Variants in NIM1K observed in about 807,000 individuals in gnomAD.
NIM1K encodes NIM1 serine/threonine protein kinase.
A neutral mutation model predicts 37.1 loss-of-function variants in NIM1K; 35 were observed. The ratio of observed to expected loss-of-function variants is 0.94; its 90% CI spans 0.72 to 1.25. The LOEUF (loss-of-function observed/expected upper bound fraction) is 1.25, where lower values mean the gene tolerates loss of function less well. Ranked by LOEUF, NIM1K falls within the 50% of genes most tolerant of loss-of-function variation. The probability of loss-of-function intolerance (pLI) is 0.00; values close to 1 mark genes in which losing one functional copy is unlikely to be tolerated. For synonymous variants in NIM1K, 234 were observed against 206.6 expected, an observed-to-expected ratio of 1.13 and a Z score of -1.14; for missense variants, 564 against 548.0, an observed-to-expected ratio of 1.03 and a Z score of -0.29.
intron 2 of NIM1K, among the ~76,000 whole-genome samples, chr5:43,260,382 T>C (rs1753009115): frequency 6.6e-6 from 1 of 152,178 alleles, no homozygotes; most frequent in Non-Finnish European, 1.5e-5. Flanking sequence ...ATGGCTTTTG[T>C]TATTTTGAGT....
chr5:43,261,520 G>A (rs149110964), intron 2 of NIM1K, among the ~76,000 whole-genome samples: 4,866 of 152,172 alleles, frequency 0.032, 288 homozygotes, highest in African/African-American at 0.11. Flanking sequence ...CCCTTTGTCA[G>A]GTGGGTAGAT....
chr5:43,228,786 G>A (rs959988119), intron 1 of NIM1K, among the ~76,000 whole-genome samples: 9 of 152,018 alleles, frequency 5.9e-5, no homozygotes, highest in Admixed American at 3.3e-4. Flanking sequence ...AACTGAGATC[G>A]TTCCACTGTA....
chr5:43,248,466 G>C (rs984071728), intron 2 of NIM1K, among the ~76,000 whole-genome samples: 6 of 152,186 alleles, frequency 3.9e-5, no homozygotes, highest in African/African-American at 1.2e-4. Flanking sequence ...GGAATCTATG[G>C]TGATGGTTCA....
At chr5:43,206,645 G>A in intron 1 of NIM1K, 4 of 676,080 alleles carry the variant, frequency 5.9e-6, no homozygotes, top group South Asian at 1.5e-5. Context: ...GCCTGCTGCA[G>A]CCTGACTCGG....
rs180880014 is a variant in NIM1K at position 43,223,721 on chromosome 5, C to A, written c.-694-21361C>A. On this transcript the variant is annotated intron_variant, in intron 1 of 3. Coordinates refer to ENST00000326035, the MANE Select transcript of NIM1K (RefSeq NM_153361.4). ...AGGTTACCAGAACAGAGAAGAAAAT[C>A]TGATAGGTGGGAAACCTTTGAGCCC... Among the ~76,000 whole-genome samples, 47 of 152,284 alleles carry A rather than the reference C, an allele frequency of 3.1e-4. 2 individuals are homozygous for A. Among genetic ancestry groups the A allele is most frequent in the Admixed American group, 3.1e-3 (47 of 15,288 alleles).
At chr5:43,263,616 C>T (rs908944413) in intron 2 of NIM1K, among the ~76,000 whole-genome samples, 2 of 150,850 alleles carry the variant, frequency 1.3e-5, no homozygotes, top group Non-Finnish European at 3.0e-5. Flanking sequence ...GTGTCTCCAT[C>T]TCCTTCAGTT....
At position 43,280,750 on chromosome 5, in the gene NIM1K, A is replaced by C. The variant is rs1314630287; in HGVS notation, c.*21A>C. On this transcript the variant is annotated 3_prime_UTR_variant, in exon 4 of 4. Transcript: ENST00000326035. ...TATAAATTGCACTAGACTGCTTGTAACTAACCAAGATGATTGTTGCTGCTT... is the reference window on the plus strand; with the variant it reads ...TATAAATTGCACTAGACTGCTTGTACCTAACCAAGATGATTGTTGCTGCTT... 4 of 1,542,108 alleles carry C rather than the reference A, an allele frequency of 2.6e-6. No homozygotes were observed. Among genetic ancestry groups the C allele is most frequent in the Non-Finnish European group, 3.5e-6 (4 of 1,146,580 alleles).
intron 1 of NIM1K, among the ~76,000 whole-genome samples, chr5:43,224,166 AGAGCT>A (rs1463957003): frequency 6.6e-6 from 1 of 151,506 alleles, no homozygotes; most frequent in Non-Finnish European, 1.5e-5. Flanking sequence ...TGCCTCCCTG[AGAGCT>A]GGGATTACAG....
At chr5:43,196,234 TTG>T in intron 1 of NIM1K, among the ~76,000 whole-genome samples, 1 of 152,344 alleles carries the variant, frequency 6.6e-6, no homozygotes, top group African/African-American at 2.4e-5. Flanking sequence ...ATGGATACAC[TTG>T]ATTACATAAT....
In NIM1K at chr5:43,277,102, A is replaced by C. The variant is rs372259167; in HGVS notation, c.338A>C (p.Lys113Thr). 94 of 1,614,040 alleles carry C rather than the reference A, an allele frequency of 5.8e-5. No homozygotes were observed. Among genetic ancestry groups the C allele is most frequent in the Non-Finnish European group, 7.6e-5 (90 of 1,179,998 alleles). ...KILDKTKLDQ[K>T]TQRLLSREIS... The stretch of plus-strand genomic sequence containing the variant: ...CTGGACAAGACCAAGTTAGACCAGA[A>C]AACCCAGAGGCTACTATCCCGAGAA... The change falls in exon 3 of 4, where the codon AAA (lysine) becomes ACA (threonine). Residue 113 changes from lysine (K) to threonine (T), a missense_variant. Transcript: ENST00000326035.
intron 1 of NIM1K, among the ~76,000 whole-genome samples, chr5:43,241,302 G>A (rs1392095438): frequency 5.3e-5 from 8 of 149,968 alleles, no homozygotes; most frequent in Non-Finnish European, 1.2e-4. Flanking sequence ...TTTCTTTTTT[G>A]GGAGGATATT....
At chr5:43,219,847 CGAGT>C (rs112660379) in intron 1 of NIM1K, among the ~76,000 whole-genome samples, 148,493 of 151,940 alleles carry the variant, frequency 0.98, 72,654 homozygotes, top group Middle Eastern at 1. Context: ...CTCAGCCGCC[CGAGT>C]GAGTAGCTGG....
rs1204026324 is a variant in NIM1K, at chr5:43,213,550, G to A, written c.-695+21139G>A. ...GCTCTGTCACCCAGGCTGGAGTGCCGTGGCACATTCTCTGCTCACTGTAAC... is the reference window on the plus strand; with the variant it reads ...GCTCTGTCACCCAGGCTGGAGTGCCATGGCACATTCTCTGCTCACTGTAAC... On this transcript the variant is annotated intron_variant, in intron 1 of 3. Transcript: ENST00000326035. Among the ~76,000 whole-genome samples, 3 of 151,946 alleles carry A rather than the reference G, an allele frequency of 2.0e-5. No homozygotes were observed. The South Asian group carries it at 6.2e-4, about 32-fold the overall frequency.
At chr5:43,243,455 T>A (rs1183789419) in intron 1 of NIM1K, among the ~76,000 whole-genome samples, 3 of 151,966 alleles carry the variant, frequency 2.0e-5, no homozygotes, top group East Asian at 1.9e-4. Flanking sequence ...GAGGGTTTTT[T>A]TTTTTTTCCT....
At chr5:43,254,712 T>C (rs1222677867) in intron 2 of NIM1K, among the ~76,000 whole-genome samples, 4 of 152,200 alleles carry the variant, frequency 2.6e-5, no homozygotes, top group African/African-American at 9.6e-5. Context: ...CAGAGCTTCA[T>C]AAAGATAGCC....
intron 2 of NIM1K, among the ~76,000 whole-genome samples, chr5:43,266,430 A>T (rs1488687249): frequency 6.6e-6 from 1 of 152,180 alleles, no homozygotes. Flanking sequence ...CAGGTGCGGG[A>T]TATGATCTCC....
intron 1 of NIM1K, among the ~76,000 whole-genome samples, chr5:43,243,338 T>C (rs183069525): frequency 6.6e-5 from 10 of 152,330 alleles, no homozygotes; most frequent in Non-Finnish European, 1.5e-4. Flanking sequence ...CATGGTGTTT[T>C]TCTGCCAGGA....
In NIM1K at chr5:43,280,509, T is replaced by C. The variant is rs756646252; in HGVS notation, c.1091T>C (p.Leu364Ser). Residue 364 changes from leucine (L) to serine (S), a missense_variant, in exon 4 of 4, where the codon TTG (leucine) becomes TCG (serine). Transcript: ENST00000326035. Reference protein sequence around the residue: ...ENEVKSTLEHLGITEEHIRNN... With the variant: ...ENEVKSTLEHSGITEEHIRNN... The stretch of plus-strand genomic sequence containing the variant: ...GAGGTCAAAAGCACTTTAGAACATT[T>C]GGGCATTACAGAAGAGCATATTCGA... 1 of 1,614,160 alleles carries C rather than the reference T, an allele frequency of 6.2e-7. No individual in the cohort carries two copies. Among genetic ancestry groups the C allele is most frequent in the Non-Finnish European group, 8.5e-7 (1 of 1,180,016 alleles).
intron 2 of NIM1K, among the ~76,000 whole-genome samples, chr5:43,251,445 T>C (rs946958336): frequency 1.3e-5 from 2 of 152,216 alleles, no homozygotes; most frequent in African/African-American, 4.8e-5. Context: ...TGGGAAGCAC[T>C]GACATCATCT....
Sources: allele counts gnomAD v4.1 joint callset (sites outside exome capture counted in the v4.1 genomes callset), GRCh38; gene constraint gnomAD v4.1.1; transcripts MANE v1.5; gene names NCBI Gene and HGNC (gene_info 2026-07-23, HGNC 2026-07-21).